FERMT2: variants seen among roughly 807,000 people sequenced by gnomAD.
FERMT2 encodes FERM domain containing kindlin 2, also known as fermitin family homolog 2.
A neutral mutation model predicts 82.7 loss-of-function variants in FERMT2; 15 were observed. The ratio of observed to expected loss-of-function variants is 0.18; its 90% CI spans 0.12 to 0.28. The LOEUF (loss-of-function observed/expected upper bound fraction) is 0.28, where lower values mean the gene tolerates loss of function less well. Among genes scored for constraint, FERMT2 ranks in the 10% least tolerant of loss-of-function variants. The pLI is 1.00. For synonymous variants in FERMT2, 274 were observed against 271.5 expected (o/e 1.01, Z -0.09); for missense variants, 645 against 809.4 (o/e 0.80, Z 2.46).
intron 3 of FERMT2, among the ~76,000 whole-genome samples, chr14:52,894,106 C>T (rs947091723): frequency 6.6e-6 from 1 of 152,158 alleles, no homozygotes; most frequent in Non-Finnish European, 1.5e-5. Context: ...GGATTACCGG[C>T]GTGAGCCACC....
intron 2 of FERMT2, among the ~76,000 whole-genome samples, chr14:52,938,978 C>A (rs1469333343): frequency 4.6e-5 from 7 of 151,944 alleles, no homozygotes; most frequent in Non-Finnish European, 8.8e-5. Context: ...TACTTTAATT[C>A]TTTATAGTAT....
chr14:52,880,544 G>C lies in FERMT2; in HGVS notation c.855+492C>G, dbSNP rs145790072. On this transcript the variant is annotated intron_variant, in intron 6 of 14. Coordinates refer to ENST00000341590, the MANE Select transcript of FERMT2 (RefSeq NM_006832.3). ...CTTCCAAGTAGCTGGCATTACCAGC[G>C]TGTGCCACCATGCGTGGCTAGTTTT... Among the ~76,000 whole-genome samples, 72 of 152,188 alleles carry C rather than the reference G, an allele frequency of 4.7e-4. No homozygotes were observed. The East Asian group carries it at 0.014, about 29-fold the overall frequency.
chr14:52,892,159 G>GTTTTTTGTTT (rs1886968458), intron 4 of FERMT2, among the ~76,000 whole-genome samples: 35 of 78,820 alleles, frequency 4.4e-4, no homozygotes, highest in African/African-American at 1.3e-3. Flanking sequence ...AGAGAAGGCT[G>GTTTTTTGTTT]TTTTTTGTTT....
At chr14:52,938,507 G>A (rs934018453) in intron 2 of FERMT2, among the ~76,000 whole-genome samples, 2 of 152,122 alleles carry the variant, frequency 1.3e-5, no homozygotes, top group African/African-American at 2.4e-5. Context: ...ACTTGCCCAA[G>A]GTCATATGTA....
intron 2 of FERMT2, among the ~76,000 whole-genome samples, chr14:52,921,285 A>C (rs1365046447): frequency 6.6e-6 from 1 of 152,216 alleles, no homozygotes; most frequent in Non-Finnish European, 1.5e-5. Context: ...TTTAATCAAT[A>C]AGTATTTTAA....
At chr14:52,913,716 T>C (rs1203419227) in intron 3 of FERMT2, among the ~76,000 whole-genome samples, 1 of 151,918 alleles carries the variant, frequency 6.6e-6, no homozygotes, top group Non-Finnish European at 1.5e-5. Context: ...GTAGTAGTAA[T>C]GAAAGACCAA....
intron 4 of FERMT2, among the ~76,000 whole-genome samples, chr14:52,889,047 G>A (rs906923357): frequency 5.3e-5 from 8 of 152,132 alleles, no homozygotes; most frequent in Admixed American, 1.3e-4. Context: ...AGCGGGATGA[G>A]CCTGGGCTTA....
chr14:52,860,235 A>C (rs1235689250), intron 13 of FERMT2, 106 bp downstream of exon 13: 1 of 820,894 alleles, frequency 1.2e-6, no homozygotes, highest in Non-Finnish European at 1.9e-6. Flanking sequence ...ATATGAGTTA[A>C]TGGGTCTACA....
Position 52,857,988 on chromosome 14 carries a change from A to G in FERMT2, c.*389T>C, listed in dbSNP as rs1884670341. 6.3e-6 allele frequency: 1 copy of G among 158,706 alleles called. No individual in the cohort carries two copies. Among genetic ancestry groups the G allele is most frequent in the African/African-American group, 2.4e-5 (1 of 41,638 alleles). 9.8% of individuals were successfully genotyped at this position (158,706 alleles called of 1,614,324 possible). On this transcript the variant is annotated 3_prime_UTR_variant, in exon 15 of 15. Coordinates refer to ENST00000341590, the MANE Select transcript of FERMT2 (RefSeq NM_006832.3). The stretch of plus-strand genomic sequence containing the variant: ...ATTTTAAAACATGATATCAAATTAA[A>G]CATACATTAAATCACATGCATTAGA...
chr14:52,917,223 G>A lies in FERMT2; in HGVS notation c.391+1900C>T, dbSNP rs571913485. Among the ~76,000 whole-genome samples the A allele has an allele frequency of 6.6e-5, 10 of 152,176 alleles. No individual in the cohort carries two copies. The South Asian group carries it at 2.1e-3, about 32-fold the overall frequency. On this transcript the variant is annotated intron_variant, in intron 3 of 14. Coordinates refer to ENST00000341590, the MANE Select transcript of FERMT2 (RefSeq NM_006832.3). ...AACTTAGTAAGAAAATACCTACGTG[G>A]TAATGGCAATAACATATACAGTTTA...
intron 2 of FERMT2, among the ~76,000 whole-genome samples, chr14:52,941,715 T>C (rs1890098851): frequency 6.6e-6 from 1 of 152,208 alleles, no homozygotes; most frequent in African/African-American, 2.4e-5. Context: ...ATACATTAGC[T>C]TTTTTCTGAA....
intron 1 of FERMT2, 44 bp from the exon 2 acceptor site, chr14:52,950,621 A>G: frequency 6.3e-7 from 1 of 1,586,466 alleles, no homozygotes; most frequent in Non-Finnish European, 8.6e-7. Context: ...TCACTCCCCC[A>G]AAGAAAGGCG....
intron 4 of FERMT2, among the ~76,000 whole-genome samples, chr14:52,887,138 CTT>C (rs879787163): frequency 1.1e-4 from 15 of 141,846 alleles, no homozygotes; most frequent in Non-Finnish European, 9.3e-5. Flanking sequence ...GATCCCAGCA[CTT>C]TTTTTTTTTT....
chr14:52,864,747 A>G lies in FERMT2; in HGVS notation c.1380T>C (p.Asn460=). ...GMNEIWLRCD[N]EKQYAHWMAA... Reference sequence around the variant, plus strand: ...GTGTATTTTTAACTGGAAAACTTACATTGTCACAACGAAGCCAGATTTCAT... The same window carrying G: ...GTGTATTTTTAACTGGAAAACTTACGTTGTCACAACGAAGCCAGATTTCAT... Residue 460 remains asparagine (N), a splice_region_variant and synonymous_variant, in exon 11 of 15, where the codon AAT becomes AAC. Transcript: ENST00000341590. The G allele has an allele frequency of 6.2e-7, 1 of 1,606,796 alleles. No homozygotes were observed. Among genetic ancestry groups the G allele is most frequent in the Non-Finnish European group, 8.5e-7 (1 of 1,174,572 alleles).
rs17093025 is a variant in FERMT2 at position 52,913,111 on chromosome 14, T to C, written c.391+6012A>G. ...CAGCAACAACAAACGATTGCAAAAG[T>C]GTAAGAACACAACTGGGGATAAAAA... is the stretch of plus-strand genomic sequence containing the variant. On this transcript the variant is annotated intron_variant, in intron 3 of 14. Coordinates refer to ENST00000341590, the MANE Select transcript of FERMT2 (RefSeq NM_006832.3). 5.1e-3 allele frequency among the ~76,000 whole-genome samples: 772 copies of C among 152,300 alleles called. 6 individuals are homozygous for C. Among genetic ancestry groups the C allele is most frequent in the East Asian group, 0.05 (259 of 5,188 alleles).
intron 3 of FERMT2, 70 bp downstream of exon 3, chr14:52,919,053 G>C: frequency 1.9e-6 from 2 of 1,065,216 alleles, no homozygotes; most frequent in Non-Finnish European, 2.8e-6. Flanking sequence ...CTTGGGATAA[G>C]CTATGTCAGT....
chr14:52,874,633 T>TA (rs1885837715), intron 8 of FERMT2, among the ~76,000 whole-genome samples: 1 of 152,222 alleles, frequency 6.6e-6, no homozygotes, highest in Non-Finnish European at 1.5e-5. Context: ...TTCTTCTTTT[T>TA]GTAGTATTTC....
chr14:52,927,833 C>A (rs1337008597), intron 2 of FERMT2, among the ~76,000 whole-genome samples: 1 of 151,976 alleles, frequency 6.6e-6, no homozygotes, highest in Admixed American at 6.6e-5. Flanking sequence ...ACAGTGGCTG[C>A]TACTAACTTT....
chr14:52,947,222 G>A (rs1890397081), intron 2 of FERMT2, among the ~76,000 whole-genome samples: 1 of 152,206 alleles, frequency 6.6e-6, no homozygotes, highest in Non-Finnish European at 1.5e-5. Flanking sequence ...GCTCACGTCT[G>A]CAATCTCAAC....
Sources: gnomAD v4.1 joint callset for allele counts (sites outside exome capture counted in the v4.1 genomes callset) on GRCh38, gnomAD v4.1.1 for gene constraint, MANE v1.5 for transcripts, NCBI Gene and HGNC (gene_info 2026-07-23, HGNC 2026-07-21) for gene names.